The following CNOT1 variants were observed in gnomAD, a reference collection of about 807,000 sequenced individuals.
CNOT1 encodes the protein CCR4-associated factor 1.
In CNOT1, 15 loss-of-function variants were observed where a neutral mutation model predicts 273.8. The ratio of observed to expected loss-of-function variants is 0.05; its 90% confidence interval spans 0.04 to 0.08. The LOEUF is 0.08. Among genes scored for constraint, CNOT1 ranks in the 10% least tolerant of loss-of-function variants. The probability of loss-of-function intolerance (pLI) is 1.00; values close to 1 mark genes in which losing one functional copy is unlikely to be tolerated. For missense variants in CNOT1, 1,644 were observed against 2,912.2 expected (o/e 0.56, Z 10.02); for synonymous variants, 1,022 against 1,005.5 (o/e 1.02, Z -0.31).
At chr16:58,624,781 G>C (rs1380216839) in intron 1 of CNOT1, 1 of 152,162 alleles carries the variant, frequency 6.6e-6, no homozygotes, top group Non-Finnish European at 1.5e-5. Flanking sequence ...CTGGGCAACA[G>C]AGCAAGACTC....
At chr16:58,605,193 C>G (rs1339359129) in intron 1 of CNOT1, among the ~76,000 whole-genome samples, 1 of 151,496 alleles carries the variant, frequency 6.6e-6, no homozygotes, top group African/African-American at 2.4e-5. Context: ...CAACAAATCT[C>G]CCAATCTTCA....
At chr16:58,587,542 T>C in intron 4 of CNOT1, 129 bp from the exon 5 acceptor site, 1 of 1,323,908 alleles carries the variant, frequency 7.6e-7, no homozygotes. Flanking sequence ...CTAGAAACAT[T>C]ACACTATGTC....
chr16:58,578,840 T>C lies in CNOT1; in HGVS notation c.1443A>G (p.Pro481=), dbSNP rs1389412588. The C allele has an allele frequency of 6.2e-6, 10 of 1,614,180 alleles. No homozygotes were observed. Among genetic ancestry groups the C allele is most frequent in the Non-Finnish European group, 8.5e-6 (10 of 1,180,030 alleles). The stretch of plus-strand genomic sequence containing the variant: ...GTAGTAAGGCCAATACCAGCATGTC[T>C]GGACAGTGTTTGATAGGGAAGCTGA... ...QLFSFPIKHC[P]DMLVLALLQI... is the part of the protein sequence containing the mutation. Residue 481 remains proline (P), a synonymous_variant, in exon 13 of 49, where the codon CCA becomes CCG. Coordinates refer to ENST00000317147, the MANE Select transcript of CNOT1 (RefSeq NM_016284.5).
At chr16:58,612,763 T>C (rs1211890578) in intron 1 of CNOT1, among the ~76,000 whole-genome samples, 2 of 152,154 alleles carry the variant, frequency 1.3e-5, no homozygotes, top group East Asian at 3.8e-4. Flanking sequence ...CACTTACTAA[T>C]ATTAACTACT....
intron 40 of CNOT1, among the ~76,000 whole-genome samples, chr16:58,533,583 T>C (rs2039839210): frequency 6.6e-6 from 1 of 151,854 alleles, no homozygotes; most frequent in South Asian, 2.1e-4. Flanking sequence ...TTGCAGGAGC[T>C]GAGATCCCGC....
At chr16:58,618,766 GAA>G (rs1215021813) in intron 1 of CNOT1, among the ~76,000 whole-genome samples, 2 of 151,956 alleles carry the variant, frequency 1.3e-5, no homozygotes, top group Non-Finnish European at 1.5e-5. Context: ...TGTCTGACAT[GAA>G]AAAAAGAGTT....
intron 25 of CNOT1, chr16:58,548,455 T>A (rs539785420): frequency 5.5e-5 from 27 of 491,102 alleles, no homozygotes; most frequent in South Asian, 4.0e-4. Context: ...AACTTTTATG[T>A]ATCCCAACCA....
intron 13 of CNOT1, 103 bp downstream of exon 13, chr16:58,578,596 T>C: frequency 1.3e-6 from 2 of 1,493,178 alleles, no homozygotes; most frequent in South Asian, 1.4e-5. Flanking sequence ...GTCATAATAA[T>C]TCAGAGATGT....
chr16:58,591,305 A>C (rs2042043942), intron 2 of CNOT1, among the ~76,000 whole-genome samples: 1 of 152,228 alleles, frequency 6.6e-6, no homozygotes, highest in Non-Finnish European at 1.5e-5. Flanking sequence ...CAAAGAATAA[A>C]AAAGTTTCAA....
At chr16:58,593,690 G>A (rs146017293) in intron 2 of CNOT1, among the ~76,000 whole-genome samples, 1,748 of 152,126 alleles carry the variant, frequency 0.011, 21 homozygotes, top group Non-Finnish European at 0.017. Flanking sequence ...TCTTGCCACT[G>A]CATTCCAACC....
rs748958181 is a variant in CNOT1 at position 58,578,692 on chromosome 16, A to G, written c.1584+7T>C. On this transcript the variant is annotated splice_region_variant and intron_variant, in intron 13 of 48. Transcript: ENST00000317147. Reference sequence around the variant, plus strand: ...GAAAAAATGGTAAGCACACGGTCACATCTTACCTGCCCATGCCATGCATAG... The same window carrying G: ...GAAAAAATGGTAAGCACACGGTCACGTCTTACCTGCCCATGCCATGCATAG... 3.1e-6 allele frequency: 5 copies of G among 1,613,808 alleles called. No homozygotes were observed. The South Asian group carries it at 3.3e-5, about 11-fold the overall frequency.
chr16:58,582,630 GA>G (rs1026759554), intron 10 of CNOT1, among the ~76,000 whole-genome samples, 162 bp downstream of exon 10: 29 of 152,238 alleles, frequency 1.9e-4, no homozygotes, highest in African/African-American at 7.0e-4. Context: ...CAACCCTAAT[GA>G]AAAAATTTAA....
chr16:58,619,614 C>T (rs1567448924), intron 1 of CNOT1, among the ~76,000 whole-genome samples: 1 of 151,948 alleles, frequency 6.6e-6, no homozygotes, highest in African/African-American at 2.4e-5. Context: ...TTAGTAGAGA[C>T]GGGGTTTCAC....
chr16:58,583,559 A>C (rs1309950212), intron 8 of CNOT1, among the ~76,000 whole-genome samples: 2 of 152,186 alleles, frequency 1.3e-5, no homozygotes, highest in African/African-American at 4.8e-5. Context: ...ACACAGCAGG[A>C]GGTGAGCAAG....
chr16:58,556,876 G>A lies in CNOT1; in HGVS notation c.2450C>T (p.Pro817Leu). The A allele has an allele frequency of 1.2e-6, 2 of 1,614,028 alleles. No individual in the cohort carries two copies. The highest frequency in any genetic ancestry group is 8.5e-7 in the Non-Finnish European group (1 of 1,179,980). ...RKLGTSGLNQ[P>L]TFQQSKMKPS... ...TTTCATCTTACTCTGCTGGAATGTA[G>A]GCTGATTCAGTCCAGAGGTGCCCAG... Residue 817 changes from proline to leucine, a missense_variant, in exon 19 of 49, where the codon CCT becomes CTT. By Grantham distance (98) the Pro-to-Leu change is moderately conservative (BLOSUM62 -3). This residue lies in a region of CNOT1 where 706 missense variants were observed against 1,021.2 expected (regional missense o/e 0.69). Transcript: ENST00000317147.
At chr16:58,602,361 G>A (rs187562874) in intron 1 of CNOT1, among the ~76,000 whole-genome samples, 18 of 151,798 alleles carry the variant, frequency 1.2e-4, no homozygotes, top group Non-Finnish European at 2.2e-4. Flanking sequence ...GTGAGCCACC[G>A]CATCTGGCCT....
intron 16 of CNOT1, among the ~76,000 whole-genome samples, chr16:58,570,892 A>G (rs1277779412): frequency 6.6e-6 from 1 of 152,172 alleles, no homozygotes; most frequent in Non-Finnish European, 1.5e-5. Context: ...ATTTAACAGT[A>G]AGACAGGCAG....
intron 40 of CNOT1, 82 bp from the exon 41 acceptor site, chr16:58,532,477 A>G: frequency 6.5e-7 from 1 of 1,543,678 alleles, no homozygotes; most frequent in Non-Finnish European, 8.7e-7. Context: ...TAAACTTTGC[A>G]TTCTTAAACC....
chr16:58,552,064 G>A (rs1279223402), intron 22 of CNOT1, among the ~76,000 whole-genome samples: 1 of 152,060 alleles, frequency 6.6e-6, no homozygotes, highest in African/African-American at 2.4e-5. Flanking sequence ...CCAGATACCT[G>A]CATATAAATG....
Sources: allele counts gnomAD v4.1 joint callset (sites outside exome capture counted in the v4.1 genomes callset), GRCh38; gene constraint gnomAD v4.1.1; regional missense constraint gnomAD v4.1.1; transcripts MANE v1.5; gene names NCBI Gene and HGNC (gene_info 2026-07-23, HGNC 2026-07-21).